GABRG3: variants seen among roughly 807,000 people sequenced by gnomAD.
GABRG3 encodes the protein gamma-aminobutyric acid type A receptor subunit gamma3, also known as gamma-aminobutyric acid receptor subunit gamma-3.
A neutral mutation model predicts 48.8 loss-of-function variants in GABRG3; 25 were observed. The ratio of observed to expected loss-of-function variants is 0.51; its 90% CI spans 0.37 to 0.72. The LOEUF (loss-of-function observed/expected upper bound fraction) is 0.72, where lower values mean the gene tolerates loss of function less well. Among genes scored for constraint, GABRG3 ranks in the 30% least tolerant of loss-of-function variants. The pLI, the probability that GABRG3 is intolerant of heterozygous loss-of-function variation, is 0.00. For missense variants in GABRG3, 394 were observed against 577.9 expected (o/e 0.68, Z 3.26); for synonymous variants, 227 against 217.6 (o/e 1.04, Z -0.38).
intron 5 of GABRG3, 56 bp downstream of exon 5, chr15:27,328,944 G>C: frequency 7.4e-7 from 1 of 1,355,956 alleles, no homozygotes; most frequent in Non-Finnish European, 1.1e-6. Flanking sequence ...GCCTAGCCTG[G>C]TACTGCTTCT....
At chr15:27,030,837 G>C (rs1473359071) in intron 3 of GABRG3, among the ~76,000 whole-genome samples, 1 of 152,036 alleles carries the variant, frequency 6.6e-6, no homozygotes, top group Non-Finnish European at 1.5e-5. Context: ...TGACCTGCTT[G>C]GCAACAAAGC....
intron 3 of GABRG3, among the ~76,000 whole-genome samples, chr15:27,183,793 A>G (rs1183577377): frequency 6.6e-6 from 1 of 152,204 alleles, no homozygotes; most frequent in Non-Finnish European, 1.5e-5. Flanking sequence ...TATTAATCAG[A>G]CAAATTTAAT....
chr15:27,280,743 C>T (rs2140479328), intron 3 of GABRG3, among the ~76,000 whole-genome samples: 1 of 152,236 alleles, frequency 6.6e-6, no homozygotes, highest in East Asian at 1.9e-4. Context: ...GTTTTAGTGT[C>T]TAGGATACGG....
At chr15:27,110,367 C>G (rs1435122247) in intron 3 of GABRG3, among the ~76,000 whole-genome samples, 1 of 152,184 alleles carries the variant, frequency 6.6e-6, no homozygotes, top group Non-Finnish European at 1.5e-5. Flanking sequence ...TATACTAATA[C>G]ATTGTTACTG....
At chr15:27,506,775 A>G (rs1890769720) in intron 6 of GABRG3, among the ~76,000 whole-genome samples, 1 of 151,880 alleles carries the variant, frequency 6.6e-6, no homozygotes, top group Non-Finnish European at 1.5e-5. Flanking sequence ...TTACTTTTTG[A>G]AAAAGCAACT....
chr15:27,422,333 C>G (rs1157060655), intron 5 of GABRG3: 1 of 152,710 alleles, frequency 6.5e-6, no homozygotes, highest in Non-Finnish European at 1.5e-5. Context: ...ACTGAGTGTT[C>G]TAAGATATCC....
At chr15:27,327,131 C>A in intron 4 of GABRG3, 102 bp downstream of exon 4, 1 of 1,037,592 alleles carries the variant, frequency 9.6e-7, no homozygotes. Context: ...TAAGTCTATT[C>A]TCTTTCACGT....
At chr15:27,307,064 T>TATAAAATAAACATGTTTATATATAAAC (rs1892580247) in intron 3 of GABRG3, among the ~76,000 whole-genome samples, 12 of 120,378 alleles carry the variant, frequency 1.0e-4, no homozygotes, top group African/African-American at 4.3e-4. Flanking sequence ...TATAAACATG[T>TATAAAATAAACATGTTTATATATAAAC]ATAATATAAA....
At chr15:27,044,779 C>T (rs1378915044) in intron 3 of GABRG3, among the ~76,000 whole-genome samples, 1 of 152,216 alleles carries the variant, frequency 6.6e-6, no homozygotes, top group Non-Finnish European at 1.5e-5. Flanking sequence ...CCATTGGTTG[C>T]CACTCAGTGT....
chr15:27,095,922 C>T (rs1316736575), intron 3 of GABRG3, among the ~76,000 whole-genome samples: 1 of 152,178 alleles, frequency 6.6e-6, no homozygotes, highest in Non-Finnish European at 1.5e-5. Flanking sequence ...CCAGGACCCG[C>T]CTTCCCTTCC....
chr15:27,218,620 G>A (rs1241955495), intron 3 of GABRG3, among the ~76,000 whole-genome samples: 2 of 152,164 alleles, frequency 1.3e-5, no homozygotes, highest in Admixed American at 6.5e-5. Flanking sequence ...GTGGTGTCCT[G>A]GCTGGATGCC....
intron 5 of GABRG3, among the ~76,000 whole-genome samples, chr15:27,333,720 A>G (rs1297381363): frequency 6.6e-6 from 1 of 152,194 alleles, no homozygotes; most frequent in Non-Finnish European, 1.5e-5. Context: ...GAGCATTCCA[A>G]GACCTGGGAA....
intron 5 of GABRG3, among the ~76,000 whole-genome samples, chr15:27,390,866 A>G (rs999882832): frequency 6.6e-6 from 1 of 152,070 alleles, no homozygotes; most frequent in South Asian, 2.1e-4. Context: ...TGGCGGGTGG[A>G]TCACTTGAGG....
intron 3 of GABRG3, among the ~76,000 whole-genome samples, chr15:27,101,842 TA>T (rs55887752): frequency 0.037 from 2,671 of 72,462 alleles, 24 homozygotes; most frequent in Non-Finnish European, 0.049. Context: ...GCTGATGAGC[TA>T]AAAAAAAAAA....
At chr15:27,285,254 G>GGT (rs60880658) in intron 3 of GABRG3, among the ~76,000 whole-genome samples, 6,180 of 142,428 alleles carry the variant, frequency 0.043, 144 homozygotes, top group Middle Eastern at 0.065. Context: ...TGAGCTTTCA[G>GGT]GTGTGTGTGT....
intron 3 of GABRG3, among the ~76,000 whole-genome samples, chr15:27,036,545 C>T (rs934844548): frequency 1.3e-5 from 2 of 152,102 alleles, no homozygotes; most frequent in African/African-American, 4.8e-5. Context: ...CAAAAATTAG[C>T]TGGGCTTTGT....
At chr15:27,503,647 T>C (rs967050637) in intron 6 of GABRG3, among the ~76,000 whole-genome samples, 1 of 152,238 alleles carries the variant, frequency 6.6e-6, no homozygotes, top group Non-Finnish European at 1.5e-5. Flanking sequence ...TGTACTCTGC[T>C]GACATTGGGT....
intron 3 of GABRG3, among the ~76,000 whole-genome samples, chr15:27,303,914 G>A (rs1892303413): frequency 6.6e-6 from 1 of 151,574 alleles, no homozygotes; most frequent in African/African-American, 2.4e-5. Flanking sequence ...TTTAAACTAG[G>A]AATACAAGAC....
At chr15:27,053,142 CA>C (rs1415218558) in intron 3 of GABRG3, among the ~76,000 whole-genome samples, 1 of 152,080 alleles carries the variant, frequency 6.6e-6, no homozygotes, top group African/African-American at 2.4e-5. Context: ...GCAATTGCAA[CA>C]AAAACAAAAA....
Sources: allele counts gnomAD v4.1 joint callset (sites outside exome capture counted in the v4.1 genomes callset), GRCh38; gene constraint gnomAD v4.1.1; transcripts MANE v1.5; gene names NCBI Gene and HGNC (gene_info 2026-07-23, HGNC 2026-07-21).